C19orf44: variants seen among roughly 807,000 people sequenced by gnomAD.
C19orf44 encodes chromosome 19 open reading frame 44, also known as uncharacterized protein C19orf44.
C19orf44 carries 43 observed loss-of-function variants against 50.7 expected under a neutral mutation model. The ratio of observed to expected loss-of-function variants is 0.85; its 90% CI spans 0.66 to 1.09. The LOEUF (loss-of-function observed/expected upper bound fraction) is 1.09. Ranked by LOEUF, C19orf44 falls within the 50% of genes least tolerant of loss-of-function variation. The pLI, the probability that C19orf44 is intolerant of heterozygous loss-of-function variation, is 0.00. For missense variants in C19orf44, 722 were observed against 836.2 expected, an observed-to-expected ratio of 0.86 and a Z score of 1.68; for synonymous variants, 298 against 334.7, an observed-to-expected ratio of 0.89 and a Z score of 1.20.
chr19:16,501,207 G>A lies in C19orf44; in HGVS notation c.415G>A (p.Ala139Thr). ...AGCTGACAGAATCCTCTCTGGGGGTGCACTCGAACTCGCGTCCCAGAACAC... is the reference window on the plus strand; with the variant it reads ...AGCTGACAGAATCCTCTCTGGGGGTACACTCGAACTCGCGTCCCAGAACAC... ...KRADRILSGG[A>T]LELASQNTDK... The change falls in exon 2 of 9, where the codon GCA becomes ACA. Residue 139 changes from alanine to threonine, a missense_variant. Ala to Thr is a moderately conservative substitution (Grantham distance 58). Coordinates refer to ENST00000221671, the MANE Select transcript of C19orf44 (RefSeq NM_032207.4). 6.2e-7 allele frequency: 1 copy of A among 1,614,098 alleles called. No homozygotes were observed. The highest frequency in any genetic ancestry group is 1.1e-5 in the South Asian group (1 of 91,088).
In C19orf44 at chr19:16,520,014, G is replaced by A. The variant is rs1599744683; in HGVS notation, c.*41-80G>A. On this transcript the variant is annotated intron_variant, in intron 8 of 8. Coordinates refer to ENST00000221671, the MANE Select transcript of C19orf44 (RefSeq NM_032207.4). The surrounding 1 kb of genome is among the most constrained non-coding windows in gnomAD (Gnocchi z 4.0). Reference sequence around the variant, plus strand: ...CCAAGTGGCTACTGTGGTGAAGGGTGAGGGGTGCCACTGTCCCCGGGCTAA... The same window carrying A: ...CCAAGTGGCTACTGTGGTGAAGGGTAAGGGGTGCCACTGTCCCCGGGCTAA... The A allele has an allele frequency of 1.1e-6, 1 of 926,002 alleles. No homozygotes were observed. Among genetic ancestry groups the A allele is most frequent in the East Asian group, 2.4e-5 (1 of 41,442 alleles). 57.4% of individuals were successfully genotyped at this position (926,002 alleles called of 1,614,324 possible).
At position 16,501,324 on chromosome 19, in the gene C19orf44, C is replaced by T. The variant is rs1410331931; in HGVS notation, c.532C>T (p.Gln178Ter). 1.9e-6 allele frequency: 3 copies of T among 1,614,002 alleles called. No homozygotes were observed. The highest frequency in any genetic ancestry group is 2.5e-6 in the Non-Finnish European group (3 of 1,180,044). ...GGTCAGTAGGTTTCTAAAGAAGAAA[C>T]AAGCACCTGTTGAAAACATATCCCC... ...AKVSRFLKKK[Q>*]APVENISPEA... Residue 178 changes from glutamine to a stop codon, truncating the protein, a stop_gained, in exon 2 of 9, where the codon CAA (glutamine) becomes TAA (stop). Transcript: ENST00000221671. LOFTEE classifies it high-confidence loss of function.
chr19:16,518,512 A>C (rs2085570388), intron 8 of C19orf44: 1 of 152,240 alleles, frequency 6.6e-6, no homozygotes, highest in South Asian at 2.1e-4. Context: ...GCCTTCGAAG[A>C]ATTAGGTTTC....
intron 6 of C19orf44, among the ~76,000 whole-genome samples, chr19:16,513,670 C>T (rs912305748): frequency 6.6e-6 from 1 of 152,212 alleles, no homozygotes; most frequent in Admixed American, 6.5e-5. Context: ...AGGCCTGAGC[C>T]GCCCTGCCTG....
chr19:16,513,699 T>C (rs1293361841), intron 6 of C19orf44, among the ~76,000 whole-genome samples: 1 of 152,216 alleles, frequency 6.6e-6, no homozygotes, highest in African/African-American at 2.4e-5. Context: ...CCACTTTTGT[T>C]TTGTATGTTC....
At chr19:16,505,527 T>C (rs2093438161) in intron 3 of C19orf44, among the ~76,000 whole-genome samples, 2 of 152,062 alleles carry the variant, frequency 1.3e-5, no homozygotes, top group African/African-American at 4.8e-5. Flanking sequence ...CTTCTGTCTT[T>C]ATAAAGCTTT....
rs10422229 is a variant in C19orf44 at position 16,502,300 on chromosome 19, T to A, written c.759+749T>A. 7.5e-5 allele frequency among the ~76,000 whole-genome samples: 11 copies of A among 145,704 alleles called. No individual in the cohort carries two copies. In the East Asian group the frequency reaches 8.0e-4, roughly 11 times the overall value. ...GTCACCAGGCTGGAGTGCAGTGGCC[T>A]GATCTCGGCTCACTGCAACTTCTGC... On this transcript the variant is annotated intron_variant, in intron 2 of 8. Transcript: ENST00000221671.
At chr19:16,517,171 T>C (rs1317818444) in intron 7 of C19orf44, 59 bp from the exon 8 acceptor site, 29 of 1,504,036 alleles carry the variant, frequency 1.9e-5, no homozygotes, top group Middle Eastern at 1.7e-4. Context: ...TCCAGCACCC[T>C]GTCTCAGAGT....
chr19:16,519,111 C>A lies in C19orf44; in HGVS notation c.*41-983C>A. On this transcript the variant is annotated intron_variant, in intron 8 of 8. Transcript: ENST00000221671. This position sits in a 1 kb window ranked among gnomAD's most constrained non-coding sequence, Gnocchi z 6.0. ...TCCTCTGCCAGTCAGCCAGGAAGGTCCCACAGCCGGCACCGCTGGCCACCG... is the reference window on the plus strand; with the variant it reads ...TCCTCTGCCAGTCAGCCAGGAAGGTACCACAGCCGGCACCGCTGGCCACCG... 1 of 1,548,526 alleles carries A rather than the reference C, an allele frequency of 6.5e-7. No individual in the cohort carries two copies. Among genetic ancestry groups the A allele is most frequent in the Non-Finnish European group, 8.8e-7 (1 of 1,137,342 alleles).
chr19:16,519,564 C>T lies in C19orf44; in HGVS notation c.*41-530C>T. On this transcript the variant is annotated intron_variant, in intron 8 of 8. Transcript: ENST00000221671. The surrounding 1 kb of genome is among the most constrained non-coding windows in gnomAD (Gnocchi z 6.0). ...TGAGGAAGAGAAAGCGCTGGTGACT[C>T]CCGGGCCCAGCACGCGTGAGGACCC... 2 of 1,486,892 alleles carry T rather than the reference C, an allele frequency of 1.3e-6. No homozygotes were observed. The highest frequency in any genetic ancestry group is 1.1e-5 in the South Asian group (1 of 88,342). 92.1% of individuals were successfully genotyped at this position (1,486,892 alleles called of 1,614,324 possible).
At position 16,506,739 on chromosome 19, in the gene C19orf44, C is replaced by G. The variant is rs1345744378; in HGVS notation, c.1114C>G (p.Pro372Ala). Reference sequence around the variant, plus strand: ...TATTTTATCGCTTGACGGTCTGGCTCCAGCTGTCAGTGAGAACTCCGATTT... The same window carrying G: ...TATTTTATCGCTTGACGGTCTGGCTGCAGCTGTCAGTGAGAACTCCGATTT... ...INILSLDGLA[P>A]AVSENSDLEQ... Residue 372 changes from proline (P) to alanine (A), a missense_variant, in exon 4 of 9, where the codon CCA becomes GCA. Pro to Ala is a conservative substitution (Grantham distance 27). Transcript: ENST00000221671. 6.2e-7 allele frequency: 1 copy of G among 1,607,172 alleles called. No homozygotes were observed. The highest frequency in any genetic ancestry group is 1.3e-5 in the African/African-American group (1 of 74,714).
rs143897261 is a variant in C19orf44, at chr19:16,503,304, T to G, written c.999T>G (p.Leu333=). ...SVSLKMGHVK[L]VSSPGRSEAE... is the part of the protein sequence containing the mutation. ...CTTTAAAGATGGGGCATGTCAAGCT[T>G]GTGTCCTCCCCGGGAAGGAGTGAGG... Residue 333 remains leucine, a synonymous_variant, in exon 3 of 9, where the codon CTT becomes CTG. Coordinates refer to ENST00000221671, the MANE Select transcript of C19orf44 (RefSeq NM_032207.4). 4.3e-4 allele frequency: 686 copies of G among 1,614,056 alleles called. No homozygotes were observed. Among genetic ancestry groups the G allele is most frequent in the Admixed American group, 5.8e-4 (35 of 59,980 alleles).
chr19:16,501,069 G>A lies in C19orf44; in HGVS notation c.277G>A (p.Ala93Thr), dbSNP rs867213135. Residue 93 changes from alanine to threonine, a missense_variant, in exon 2 of 9, where the codon GCA (alanine) becomes ACA (threonine). Ala to Thr is a moderately conservative substitution (Grantham distance 58, BLOSUM62 0). Coordinates refer to ENST00000221671, the MANE Select transcript of C19orf44 (RefSeq NM_032207.4). ...TGCCTCCAGGATCCGAGCCAATGCC[G>A]CACTCATGAAGCTGGCCCAGCTGGA... ...TTASRIRANA[A>T]LMKLAQLETR... 37 of 1,613,942 alleles carry A rather than the reference G, an allele frequency of 2.3e-5. No individual in the cohort carries two copies. The highest frequency in any genetic ancestry group is 8.8e-5 in the South Asian group (8 of 91,086).
At chr19:16,502,665 C>A (rs6512116) in intron 2 of C19orf44, among the ~76,000 whole-genome samples, 59,069 of 151,894 alleles carry the variant, frequency 0.39, 13,156 homozygotes, top group African/African-American at 0.62. Flanking sequence ...CTCATGCTCC[C>A]CGCTAATTGC....
intron 3 of C19orf44, among the ~76,000 whole-genome samples, chr19:16,505,003 G>C (rs913578826): frequency 6.6e-6 from 1 of 151,828 alleles, no homozygotes; most frequent in Non-Finnish European, 1.5e-5. Context: ...ACTTTTAATA[G>C]AGACAGGGTT....
chr19:16,504,260 C>A (rs926043642), intron 3 of C19orf44, among the ~76,000 whole-genome samples: 3 of 152,176 alleles, frequency 2.0e-5, no homozygotes, highest in Admixed American at 2.0e-4. Context: ...GAGAACCCCA[C>A]ACTCCTGGGT....
intron 7 of C19orf44, among the ~76,000 whole-genome samples, chr19:16,516,865 T>C (rs2093473921): frequency 6.6e-6 from 1 of 152,244 alleles, no homozygotes; most frequent in African/African-American, 2.4e-5. Flanking sequence ...CATGCCTCTG[T>C]TGGGCGTCCA....
chr19:16,517,433 G>A (rs1173114640), intron 8 of C19orf44, 92 bp downstream of exon 8: 6 of 851,762 alleles, frequency 7.0e-6, no homozygotes, highest in Non-Finnish European at 1.1e-5. Context: ...GGGGGCAGGT[G>A]GTACTGGGGT....
At chr19:16,510,832 G>A (rs1222137601) in intron 5 of C19orf44, among the ~76,000 whole-genome samples, 3 of 151,960 alleles carry the variant, frequency 2.0e-5, no homozygotes, top group African/African-American at 7.3e-5. Flanking sequence ...ACCTCCCTAG[G>A]CTCAGGTGAT....
Sources: gnomAD v4.1 joint callset for allele counts (sites outside exome capture counted in the v4.1 genomes callset) on GRCh38, gnomAD v4.1.1 for gene constraint, Gnocchi (gnomAD v3.1) non-coding constraint, MANE v1.5 for transcripts, NCBI Gene and HGNC (gene_info 2026-07-23, HGNC 2026-07-21) for gene names.